OARD1: variants seen among roughly 807,000 people sequenced by gnomAD.
OARD1 encodes the protein O-acyl-ADP-ribose deacylase 1.
OARD1 carries 19 observed loss-of-function variants against 19.7 expected under a neutral mutation model. That is an observed-to-expected ratio of 0.96 (90% CI 0.67 to 1.41). OARD1 has a LOEUF of 1.41. Among genes scored for constraint, OARD1 ranks in the 40% most tolerant of loss-of-function variants. The probability of loss-of-function intolerance (pLI) is 0.00; values close to 1 mark genes in which losing one functional copy is unlikely to be tolerated. For missense variants in OARD1, 190 were observed against 183.8 expected, an observed-to-expected ratio of 1.03 and a Z score of -0.20; for synonymous variants, 70 against 61.8, an observed-to-expected ratio of 1.13 and a Z score of -0.62.
At chr6:41,085,047 C>T (rs1451928300) in intron 1 of OARD1, among the ~76,000 whole-genome samples, 3 of 151,502 alleles carry the variant, frequency 2.0e-5, no homozygotes, top group East Asian at 1.9e-4. Flanking sequence ...TATTTCTCAT[C>T]GAGATGGCAA....
At chr6:41,081,526 C>A (rs916623422) in intron 1 of OARD1, among the ~76,000 whole-genome samples, 5 of 152,088 alleles carry the variant, frequency 3.3e-5, no homozygotes, top group African/African-American at 9.7e-5. Context: ...GGCTCACACT[C>A]TGATCCAATT....
intron 1 of OARD1, chr6:41,097,550 C>A: frequency 1.2e-6 from 1 of 805,140 alleles, no homozygotes; most frequent in Non-Finnish European, 2.0e-6. Flanking sequence ...TAATAAGTGG[C>A]TCAGTATTAC....
At position 41,064,924 on chromosome 6, in the gene OARD1, A is replaced by C. The variant is rs569053982; in HGVS notation, c.*2411T>G. 1 of 149,000 alleles carries C rather than the reference A, an allele frequency of 6.7e-6. No homozygotes were observed. Among genetic ancestry groups the C allele is most frequent in the South Asian group, 2.1e-4 (1 of 4,728 alleles). The allele number at this position is 149,000 out of a possible 1,614,324, so 9.2% of individuals were successfully genotyped here. ...GTCAAGTCTCTCTTTTTTTTTTTTT[A>C]AAGGTTTGTTTGAGTCCTATGTGGA... On this transcript the variant is annotated 3_prime_UTR_variant, in exon 6 of 6. Coordinates refer to ENST00000424266, the MANE Select transcript of OARD1 (RefSeq NM_001329686.2).
At chr6:41,075,810 C>G (rs1265449938), upstream of OARD1, 1 of 151,696 alleles carries the variant, frequency 6.6e-6, no homozygotes, top group African/African-American at 2.4e-5. Flanking sequence ...ATCACTTTAT[C>G]TCTTAGGATT....
intron 1 of OARD1, among the ~76,000 whole-genome samples, chr6:41,090,988 C>G (rs929381292): frequency 6.6e-6 from 1 of 152,200 alleles, no homozygotes; most frequent in African/African-American, 2.4e-5. Flanking sequence ...TAACTGTGTG[C>G]TCTTGTATTA....
At chr6:41,078,841 A>G (rs990727782) in intron 1 of OARD1, among the ~76,000 whole-genome samples, 1 of 152,216 alleles carries the variant, frequency 6.6e-6, no homozygotes, top group African/African-American at 2.4e-5. Context: ...GAAACGTGAA[A>G]ATAGCATTAT....
chr6:41,094,619 A>T (rs1764297376), intron 1 of OARD1: 1 of 656,456 alleles, frequency 1.5e-6, no homozygotes. Flanking sequence ...TCTAAACTGG[A>T]TGCAATCTTA....
intron 1 of OARD1, chr6:41,079,179 C>G (rs1199058119): frequency 6.2e-7 from 1 of 1,613,054 alleles, no homozygotes; most frequent in South Asian, 1.1e-5. Flanking sequence ...GGAAGCAAAA[C>G]TGCTTTAAAC....
intron 5 of OARD1, among the ~76,000 whole-genome samples, chr6:41,068,200 C>T (rs527982581): frequency 2.0e-5 from 3 of 152,126 alleles, no homozygotes; most frequent in Non-Finnish European, 4.4e-5. Context: ...GATAAAACTG[C>T]ATGTATGCTC....
upstream of OARD1, among the ~76,000 whole-genome samples, chr6:41,074,024 A>G (rs1195268209): frequency 2.0e-5 from 3 of 151,760 alleles, no homozygotes; most frequent in Non-Finnish European, 4.4e-5. Flanking sequence ...GAGGCTGCAC[A>G]ACTTGCTGTT....
upstream of OARD1, among the ~76,000 whole-genome samples, chr6:41,073,320 G>C (rs111557349): frequency 8.7e-3 from 1,324 of 151,832 alleles, 18 homozygotes; most frequent in African/African-American, 0.03. Context: ...CGGGGAGCAG[G>C]CACCTCGGGG....
intron 1 of OARD1, chr6:41,090,312 A>G (rs373785421): frequency 1.1e-5 from 17 of 1,607,600 alleles, no homozygotes; most frequent in Admixed American, 1.7e-5. Flanking sequence ...CCAGCAAGGT[A>G]AGTGTACCCA....
chr6:41,071,805 C>T, intron 1 of OARD1, 130 bp from the exon 2 acceptor site: 1 of 607,424 alleles, frequency 1.6e-6, no homozygotes, highest in Non-Finnish European at 3.0e-6. Flanking sequence ...TGTTCGGCCC[C>T]TGGGACGTAA....
chr6:41,078,016 T>C (rs1375236589), intron 1 of OARD1, among the ~76,000 whole-genome samples: 1 of 152,182 alleles, frequency 6.6e-6, no homozygotes, highest in Non-Finnish European at 1.5e-5. Context: ...ATTCTTATTC[T>C]AGAAATAAGA....
chr6:41,097,351 C>T (rs1182161595), intron 1 of OARD1: 1 of 1,613,792 alleles, frequency 6.2e-7, no homozygotes, highest in East Asian at 2.2e-5. Context: ...TCATCTTTGT[C>T]TCTAGGATCC....
intron 5 of OARD1, among the ~76,000 whole-genome samples, chr6:41,067,960 A>G (rs1763109548): frequency 1.3e-5 from 2 of 151,388 alleles, no homozygotes; most frequent in Non-Finnish European, 2.9e-5. Flanking sequence ...TCAGTCCATA[A>G]AACTCTACTA....
chr6:41,071,698 A>G, intron 1 of OARD1, 23 bp from the exon 2 acceptor site: 3 of 1,382,318 alleles, frequency 2.2e-6, no homozygotes, highest in Non-Finnish European at 3.1e-6. Context: ...AAAAGGAAGT[A>G]AAAATGCTTA....
chr6:41,070,795 TA>T, intron 3 of OARD1: 1 of 514,444 alleles, frequency 1.9e-6, no homozygotes, highest in East Asian at 3.4e-5. Flanking sequence ...AAGAGGTTTC[TA>T]AATTCCTCTT....
chr6:41,090,225 C>G (rs1764163714), intron 1 of OARD1: 1 of 1,613,334 alleles, frequency 6.2e-7, no homozygotes, highest in Non-Finnish European at 8.5e-7. Context: ...GATTGCTGTC[C>G]AGGGACAGCA....
Sources: allele counts gnomAD v4.1 joint callset (sites outside exome capture counted in the v4.1 genomes callset), GRCh38; gene constraint gnomAD v4.1.1; transcripts MANE v1.5; gene names NCBI Gene and HGNC (gene_info 2026-07-23, HGNC 2026-07-21).